Variants in VPS4B observed in about 807,000 individuals in gnomAD.
The protein encoded by VPS4B is vacuolar protein sorting 4 homolog B.
In VPS4B, 23 loss-of-function variants were observed where a neutral mutation model predicts 56.1. That is an observed-to-expected ratio of 0.41 (90% CI 0.30 to 0.58). VPS4B has a LOEUF of 0.58. Ranked by LOEUF, VPS4B falls within the 20% of genes least tolerant of loss-of-function variation. The probability of loss-of-function intolerance (pLI) is 0.29; values close to 1 mark genes in which losing one functional copy is unlikely to be tolerated. For missense variants in VPS4B, 372 were observed against 531.9 expected, an observed-to-expected ratio of 0.70 and a Z score of 2.96; for synonymous variants, 177 against 186.0, an observed-to-expected ratio of 0.95 and a Z score of 0.39.
chr18:63,412,530 A>G (rs534518023), intron 1 of VPS4B, among the ~76,000 whole-genome samples: 9 of 152,344 alleles, frequency 5.9e-5, no homozygotes, highest in African/African-American at 2.2e-4. Flanking sequence ...GCAAAAAGCC[A>G]GTCAATGGCA....
chr18:63,422,425 C>G lies in VPS4B; in HGVS notation c.-166G>C. ...GAACTTGTTTTAGACAACACTCTCT[C>G]CACCAGAGCTCCGACCCTCCCCACC... On this transcript the variant is annotated 5_prime_UTR_variant, in exon 1 of 11. Coordinates refer to ENST00000238497, the MANE Select transcript of VPS4B (RefSeq NM_004869.4). 1.9e-6 allele frequency: 1 copy of G among 520,884 alleles called. No individual in the cohort carries two copies. The highest frequency in any genetic ancestry group is 4.7e-5 in the South Asian group (1 of 21,352). The allele number at this position is 520,884 out of a possible 1,614,324, so 32.3% of individuals were successfully genotyped here. A position where few individuals can be genotyped will look rare whatever the true frequency, so the allele number is the denominator to read the frequency against.
chr18:63,412,166 C>T (rs1231769918), intron 1 of VPS4B, among the ~76,000 whole-genome samples: 1 of 152,108 alleles, frequency 6.6e-6, no homozygotes, highest in Non-Finnish European at 1.5e-5. Flanking sequence ...AAACTTAAAT[C>T]ATAAAGGATG....
At chr18:63,402,829 C>T (rs148027581) in intron 5 of VPS4B, among the ~76,000 whole-genome samples, 1 of 152,140 alleles carries the variant, frequency 6.6e-6, no homozygotes, top group Non-Finnish European at 1.5e-5. Context: ...GGCCTACAGG[C>T]TTTTTGCTCT....
At chr18:63,406,354 G>A (rs1378637430) in intron 4 of VPS4B, among the ~76,000 whole-genome samples, 4 of 152,212 alleles carry the variant, frequency 2.6e-5, no homozygotes, top group Non-Finnish European at 5.9e-5. Flanking sequence ...TGTTTTCCTA[G>A]ACATCCCAGT....
At chr18:63,396,764 G>A (rs1165845193) in intron 9 of VPS4B, 4 of 378,150 alleles carry the variant, frequency 1.1e-5, no homozygotes, top group African/African-American at 2.1e-5. Flanking sequence ...CGAGGTGGGT[G>A]GATCACCTGG....
intron 8 of VPS4B, among the ~76,000 whole-genome samples, chr18:63,398,225 T>A (rs2551398): frequency 0.18 from 9,843 of 53,512 alleles, 812 homozygotes; most frequent in African/African-American, 0.36. Flanking sequence ...ATATATATAT[T>A]TTTTTTTGAG....
intron 1 of VPS4B, among the ~76,000 whole-genome samples, chr18:63,418,881 A>G (rs1304132789): frequency 6.6e-6 from 1 of 152,152 alleles, no homozygotes; most frequent in African/African-American, 2.4e-5. Context: ...CCTTATTTCC[A>G]GCCTAGTCCA....
At chr18:63,409,451 G>C (rs150055380) in intron 3 of VPS4B, among the ~76,000 whole-genome samples, 1 of 152,110 alleles carries the variant, frequency 6.6e-6, no homozygotes, top group African/African-American at 2.4e-5. Flanking sequence ...GCAGAATCTC[G>C]CTGTTTTCAA....
At chr18:63,412,892 T>C (rs953715105) in intron 1 of VPS4B, among the ~76,000 whole-genome samples, 2 of 151,490 alleles carry the variant, frequency 1.3e-5, no homozygotes, top group Non-Finnish European at 2.9e-5. Context: ...AGATTTGACA[T>C]CAAAAGCATA....
chr18:63,397,633 C>G (rs1915700373), intron 8 of VPS4B, among the ~76,000 whole-genome samples: 1 of 152,122 alleles, frequency 6.6e-6, no homozygotes, highest in South Asian at 2.1e-4. Context: ...TCTCTACATT[C>G]AAAACAGAAT....
intron 4 of VPS4B, 86 bp downstream of exon 4, chr18:63,407,346 A>T: frequency 8.7e-7 from 1 of 1,147,468 alleles, no homozygotes; most frequent in Non-Finnish European, 1.3e-6. Context: ...TTAAATATAG[A>T]GGGAGAACAA....
At chr18:63,408,354 G>C (rs567482170) in intron 3 of VPS4B, among the ~76,000 whole-genome samples, 2 of 152,240 alleles carry the variant, frequency 1.3e-5, no homozygotes, top group African/African-American at 4.8e-5. Context: ...GTTATCATAG[G>C]ACGGTGGGGC....
chr18:63,391,888 T>C (rs1258903467), intron 10 of VPS4B, among the ~76,000 whole-genome samples: 2 of 152,230 alleles, frequency 1.3e-5, no homozygotes, highest in East Asian at 3.9e-4. Context: ...CAGAGATTCA[T>C]TAAAAAACTA....
In VPS4B at chr18:63,389,436, G is replaced by C. The variant is rs1190383379; in HGVS notation, c.*1539C>G. ...AAAATGTGCAAATACACTTTAAAAT[G>C]CAAGTTATTCTATAGCATTTGCAAG... is the stretch of plus-strand genomic sequence containing the variant. On this transcript the variant is annotated 3_prime_UTR_variant, in exon 11 of 11. Transcript: ENST00000238497. 6.6e-6 allele frequency: 1 copy of C among 152,588 alleles called. No homozygotes were observed. The highest frequency in any genetic ancestry group is 1.5e-5 in the Non-Finnish European group (1 of 68,022). 9.5% of individuals were successfully genotyped at this position (152,588 alleles called of 1,614,324 possible). A position where few individuals can be genotyped will look rare whatever the true frequency, so the allele number is the denominator to read the frequency against.
chr18:63,421,578 G>C (rs1280943893), intron 1 of VPS4B, among the ~76,000 whole-genome samples: 2 of 152,196 alleles, frequency 1.3e-5, no homozygotes, highest in African/African-American at 4.8e-5. Context: ...CCATTCCACA[G>C]AGGACTAACG....
At position 63,403,963 on chromosome 18, in the gene VPS4B, C is replaced by T. The variant is rs139111759; in HGVS notation, c.365-137G>A. On this transcript the variant is annotated intron_variant, in intron 4 of 10. Coordinates refer to ENST00000238497, the MANE Select transcript of VPS4B (RefSeq NM_004869.4). ...TGTACTAACAACCTTTTTGAAATAG[C>T]GTGAGCAGGAAGCAGGTGTTAGGGA... 8.1e-5 allele frequency: 80 copies of T among 991,576 alleles called. No homozygotes were observed. The South Asian group carries it at 1.4e-3, about 17-fold the overall frequency. The allele number at this position is 991,576 out of a possible 1,614,324, so 61.4% of individuals were successfully genotyped here.
chr18:63,422,208 G>A (rs776463541), intron 1 of VPS4B, 25 bp downstream of exon 1: 4 of 1,498,806 alleles, frequency 2.7e-6, no homozygotes, highest in Non-Finnish European at 3.6e-6. Context: ...AGCTCCCTAG[G>A]GGGACGGGAG....
chr18:63,401,555 T>TA (rs1568085943), intron 5 of VPS4B, among the ~76,000 whole-genome samples: 1 of 152,206 alleles, frequency 6.6e-6, no homozygotes, highest in Non-Finnish European at 1.5e-5. Context: ...AAAAAGGTGA[T>TA]ACTACTTTAA....
At chr18:63,396,592 G>A (rs1915673463) in intron 9 of VPS4B, 1 of 162,424 alleles carries the variant, frequency 6.2e-6, no homozygotes. Context: ...ACTTGTTTCA[G>A]TGACACAGAA....
Sources: allele counts gnomAD v4.1 joint callset (sites outside exome capture counted in the v4.1 genomes callset), GRCh38; gene constraint gnomAD v4.1.1; transcripts MANE v1.5; gene names NCBI Gene and HGNC (gene_info 2026-07-23, HGNC 2026-07-21).